CCL23: variants seen among roughly 807,000 people sequenced by gnomAD.
CCL23 encodes the protein C-C motif chemokine ligand 23, also known as C-C motif chemokine 23.
A neutral mutation model predicts 11.8 loss-of-function variants in CCL23; 10 were observed. The ratio of observed to expected loss-of-function variants is 0.84; its 90% CI spans 0.52 to 1.43. The LOEUF (loss-of-function observed/expected upper bound fraction) is 1.43, where lower values mean the gene tolerates loss of function less well. Among genes scored for constraint, CCL23 ranks in the 40% most tolerant of loss-of-function variants. CCL23 has a pLI of 0.00. For synonymous variants in CCL23, 60 were observed against 61.0 expected (o/e 0.98, Z 0.07); for missense variants, 181 against 170.9 (o/e 1.06, Z -0.33).
chr17:36,013,929 A>C lies in CCL23; in HGVS notation c.137-20T>G. 1.9e-6 allele frequency: 3 copies of C among 1,612,824 alleles called. No homozygotes were observed. The highest frequency in any genetic ancestry group is 2.5e-6 in the Non-Finnish European group (3 of 1,179,026). ...AGAGCACTGTGGAGGGTGAGAAGGC[A>C]CATGGCTCAGAAGAGATGTTTCCTC... On this transcript the variant is annotated intron_variant, in intron 2 of 3. Coordinates refer to ENST00000615050, the MANE Select transcript of CCL23 (RefSeq NM_005064.6).
chr17:36,017,620 T>C (rs182128248), intron 1 of CCL23, among the ~76,000 whole-genome samples: 7 of 152,342 alleles, frequency 4.6e-5, no homozygotes, highest in Admixed American at 3.3e-4. Flanking sequence ...TGGCCCCACA[T>C]TGGACCAGCC....
chr17:36,013,823 AG>A lies in CCL23; in HGVS notation c.222del (p.Tyr75ThrfsTer49). The A allele has an allele frequency of 5.0e-6, 8 of 1,614,158 alleles. No homozygotes were observed. Among genetic ancestry groups the A allele is most frequent in the Non-Finnish European group, 6.8e-6 (8 of 1,180,004 alleles). On this transcript the variant is annotated frameshift_variant, in exon 3 of 4. Transcript: ENST00000615050. LOFTEE classifies it high-confidence loss of function. The part of the protein sequence containing the change: ...FHATSADCCI[S>X]YTPRSIPCSL... The stretch of plus-strand genomic sequence containing the variant: ...GAACACGGGATGCTTCGTGGGGTGT[AG>A]GAGATGCAGCAGTCAGCACTAGTAG...
chr17:36,014,888 G>A (rs2090086251), intron 1 of CCL23, among the ~76,000 whole-genome samples: 1 of 151,908 alleles, frequency 6.6e-6, no homozygotes, highest in Non-Finnish European at 1.5e-5. Flanking sequence ...ACTGTTCCCA[G>A]GCCTCATCAG....
chr17:36,015,639 G>T (rs2090092252), intron 1 of CCL23, among the ~76,000 whole-genome samples: 1 of 152,168 alleles, frequency 6.6e-6, no homozygotes, highest in African/African-American at 2.4e-5. Flanking sequence ...CCTTATGCTT[G>T]TTAGGCAAAT....
Position 36,014,185 on chromosome 17 carries a change from ATAGCCCGTCC to A in CCL23, c.136+139_136+148del. 1.9e-5 allele frequency: 9 copies of A among 479,200 alleles called. 1 individual carries two copies. Among genetic ancestry groups the A allele is most frequent in the Admixed American group, 3.3e-5 (1 of 30,512 alleles). The allele number at this position is 479,200 out of a possible 1,614,324, so 29.7% of individuals were successfully genotyped here. On this transcript the variant is annotated intron_variant, in intron 2 of 3. Transcript: ENST00000615050. ...GAAGGCATCTATGGAGGGGGTTCCC[ATAGCCCGTCC>A]TGATCTTCCTTGGAGATGTTCACCA...
chr17:36,016,500 A>G (rs191722691), intron 1 of CCL23, among the ~76,000 whole-genome samples: 151 of 152,276 alleles, frequency 9.9e-4, no homozygotes, highest in Admixed American at 3.1e-3. Context: ...AAAGGACATG[A>G]ATTCATTTCT....
chr17:36,016,924 A>C (rs1205259468), intron 1 of CCL23, among the ~76,000 whole-genome samples: 2 of 151,872 alleles, frequency 1.3e-5, no homozygotes, highest in Non-Finnish European at 2.9e-5. Context: ...TAGTCCCCCA[A>C]TTGCTTTCCA....
chr17:36,013,212 C>G lies in CCL23; in HGVS notation c.399G>C (p.Lys133Asn), dbSNP rs775324515. ...CTTGACAAGTTCAATTCTTCCTGGT[C>G]TTGATCCGTGTGTCCAGCTTCAGCA... ...MRMLKLDTRI[K>N]TRKN Residue 133 changes from lysine (K) to asparagine (N), a missense_variant, in exon 4 of 4, where the codon AAG (lysine) becomes AAC (asparagine). By Grantham distance (94) the Lys-to-Asn change is moderately conservative (BLOSUM62 0). Transcript: ENST00000615050. 6.2e-7 allele frequency: 1 copy of G among 1,611,076 alleles called. No homozygotes were observed. Among genetic ancestry groups the G allele is most frequent in the South Asian group, 1.1e-5 (1 of 91,010 alleles).
At position 36,017,925 on chromosome 17, in the gene CCL23, G is replaced by T. The variant is rs2072667; in HGVS notation, c.-28C>A. 5.0e-6 allele frequency: 8 copies of T among 1,610,658 alleles called. No individual in the cohort carries two copies. The East Asian group carries it at 1.8e-4, about 36-fold the overall frequency. On this transcript the variant is annotated 5_prime_UTR_variant, in exon 1 of 4. Transcript: ENST00000615050. ...TCCTGGTGGGCAGGCAGGGCTGGCCGAGGACTCCTGGGCTCACTGCTTCCT... is the reference window on the plus strand; with the variant it reads ...TCCTGGTGGGCAGGCAGGGCTGGCCTAGGACTCCTGGGCTCACTGCTTCCT...
At chr17:36,013,718 A>C (rs1486971368) in intron 3 of CCL23, 26 bp downstream of exon 3, 2 of 1,612,838 alleles carry the variant, frequency 1.2e-6, no homozygotes. Flanking sequence ...CTCCCTCAAC[A>C]CATGTTTGGT....
At chr17:36,014,491 A>G (rs2090083686) in intron 1 of CCL23, 98 bp from the exon 2 acceptor site, 1 of 949,066 alleles carries the variant, frequency 1.1e-6, no homozygotes, top group Admixed American at 1.8e-5. Context: ...CCTGAGGCAG[A>G]AAGGTCCCTG....
chr17:36,014,956 T>TTA (rs61365945), intron 1 of CCL23, among the ~76,000 whole-genome samples: 1,733 of 149,638 alleles, frequency 0.012, 18 homozygotes, highest in African/African-American at 0.03. Context: ...TAAATCGTGG[T>TTA]TATATATATA....
chr17:36,017,728 G>A, intron 1 of CCL23, 94 bp downstream of exon 1: 1 of 1,124,378 alleles, frequency 8.9e-7, no homozygotes, highest in African/African-American at 1.5e-5. Flanking sequence ...CCACGTCTGG[G>A]ATGGAGAGTA....
intron 1 of CCL23, among the ~76,000 whole-genome samples, chr17:36,017,240 T>A (rs1383569435): frequency 2.0e-5 from 3 of 152,154 alleles, no homozygotes; most frequent in African/African-American, 7.2e-5. Context: ...AAGTAAAAAA[T>A]TTGCATTTTT....
In CCL23 at chr17:36,013,255, A is replaced by G; in HGVS notation, c.356T>C (p.Val119Ala). 1 of 1,613,708 alleles carries G rather than the reference A, an allele frequency of 6.2e-7. No homozygotes were observed. ...CTTCAGCATTCTCATGCAAACCTGAACTTGCTTATCACTGGGGTTGGCACA... is the reference window on the plus strand; with the variant it reads ...CTTCAGCATTCTCATGCAAACCTGAGCTTGCTTATCACTGGGGTTGGCACA... ...RFCANPSDKQ[V>A]QVCMRMLKLD... The change falls in exon 4 of 4, where the codon GTT (valine) becomes GCT (alanine). Residue 119 changes from valine to alanine, a missense_variant. By Grantham distance (64) the Val-to-Ala change is moderately conservative. Coordinates refer to ENST00000615050, the MANE Select transcript of CCL23 (RefSeq NM_005064.6).
Position 36,013,171 on chromosome 17 carries a change from A to C in CCL23, c.*26T>G. The C allele has an allele frequency of 2.1e-6, 3 of 1,432,796 alleles. No individual in the cohort carries two copies. The highest frequency in any genetic ancestry group is 3.0e-6 in the Non-Finnish European group (3 of 1,015,360). 88.8% of individuals were successfully genotyped at this position (1,432,796 alleles called of 1,614,324 possible). Reference sequence around the variant, plus strand: ...GAGGCAAGAAAGTTGGTGGCTGGCAACTTGTGTCCCTTCACCTTGACAAGT... The same window carrying C: ...GAGGCAAGAAAGTTGGTGGCTGGCACCTTGTGTCCCTTCACCTTGACAAGT... On this transcript the variant is annotated 3_prime_UTR_variant, in exon 4 of 4. Transcript: ENST00000615050.
chr17:36,013,879 A>T lies in CCL23; in HGVS notation c.167T>A (p.Met56Lys), dbSNP rs2090077370. The change falls in exon 3 of 4, where the codon ATG (methionine) becomes AAG (lysine). Residue 56 changes from methionine (M) to lysine (K), a missense_variant. Met to Lys is a moderately conservative substitution (Grantham distance 95, BLOSUM62 -1). Coordinates refer to ENST00000615050, the MANE Select transcript of CCL23 (RefSeq NM_005064.6). ...GAATCCTGCAGCATGAGAAAGGGTCATCTGAGGACCAATCTTTCTCCTCCA... is the reference window on the plus strand; with the variant it reads ...GAATCCTGCAGCATGAGAAAGGGTCTTCTGAGGACCAATCTTTCTCCTCCA... ...MLWRRKIGPQ[M>K]TLSHAAGFHA... is the part of the protein sequence containing the mutation. The T allele has an allele frequency of 6.2e-7, 1 of 1,614,098 alleles. No individual in the cohort carries two copies. The highest frequency in any genetic ancestry group is 8.5e-7 in the Non-Finnish European group (1 of 1,180,026).
At chr17:36,017,366 A>G (rs540159543) in intron 1 of CCL23, among the ~76,000 whole-genome samples, 26 of 152,286 alleles carry the variant, frequency 1.7e-4, no homozygotes, top group East Asian at 1.2e-3. Flanking sequence ...TGCATTTGTT[A>G]AACAAAAAAA....
intron 1 of CCL23, among the ~76,000 whole-genome samples, chr17:36,017,585 T>G (rs1047812662): frequency 3.3e-5 from 5 of 152,206 alleles, no homozygotes; most frequent in Admixed American, 3.3e-4. Context: ...TATCAAATAA[T>G]TTTTGCTGTG....
Sources: allele counts gnomAD v4.1 joint callset (sites outside exome capture counted in the v4.1 genomes callset), GRCh38; gene constraint gnomAD v4.1.1; transcripts MANE v1.5; gene names NCBI Gene and HGNC (gene_info 2026-07-23, HGNC 2026-07-21).